The following TBC1D15 variants were observed in gnomAD, a reference collection of about 807,000 sequenced individuals.
The protein encoded by TBC1D15 is TBC1 domain family member 15.
A neutral mutation model predicts 95.4 loss-of-function variants in TBC1D15; 39 were observed. That is an observed-to-expected ratio of 0.41 (90% CI 0.32 to 0.53). The LOEUF is 0.53. Among genes scored for constraint, TBC1D15 ranks in the 20% least tolerant of loss-of-function variants. TBC1D15 has a pLI of 0.29. For missense variants in TBC1D15, 733 were observed against 794.3 expected (o/e 0.92, Z 0.93); for synonymous variants, 258 against 261.3 (o/e 0.99, Z 0.12).
chr12:71,872,308 G>T (rs1452889158), intron 2 of TBC1D15, 140 bp downstream of exon 2: 1 of 486,102 alleles, frequency 2.1e-6, no homozygotes, highest in Non-Finnish European at 3.7e-6. Context: ...ACACCGAAAT[G>T]ATGTAATAGT....
intron 4 of TBC1D15, among the ~76,000 whole-genome samples, chr12:71,881,192 G>A (rs1895056766): frequency 6.6e-6 from 1 of 152,112 alleles, no homozygotes; most frequent in Admixed American, 6.5e-5. Flanking sequence ...GTCTTTGTAC[G>A]GTCACAGTGC....
intron 5 of TBC1D15, among the ~76,000 whole-genome samples, chr12:71,889,873 A>G (rs984336100): frequency 2.0e-5 from 3 of 152,284 alleles, no homozygotes; most frequent in South Asian, 2.1e-4. Flanking sequence ...GCTCCCGCTT[A>G]TAAGTGAGAA....
intron 3 of TBC1D15, 36 bp downstream of exon 3, chr12:71,873,039 C>A (rs949032758): frequency 7.1e-7 from 1 of 1,406,178 alleles, no homozygotes; most frequent in Non-Finnish European, 9.9e-7. Flanking sequence ...AAGGGAATGC[C>A]ATTTAAAAAA....
intron 3 of TBC1D15, among the ~76,000 whole-genome samples, chr12:71,877,246 A>G (rs1446396355): frequency 7.1e-6 from 1 of 141,790 alleles, no homozygotes; most frequent in Non-Finnish European, 1.5e-5. Context: ...GAAGCTTTTA[A>G]TTATTGTCTT....
chr12:71,896,175 GTTT>G (rs202051621), intron 8 of TBC1D15, 100 bp downstream of exon 8: 568 of 809,806 alleles, frequency 7.0e-4, no homozygotes, highest in South Asian at 1.4e-3. Context: ...TTTGTTGTTG[GTTT>G]TTTTTTTTTT....
intron 3 of TBC1D15, among the ~76,000 whole-genome samples, chr12:71,875,368 G>A (rs1293598605): frequency 5.3e-5 from 8 of 151,984 alleles, no homozygotes; most frequent in South Asian, 2.1e-4. Flanking sequence ...AAGCACAAAC[G>A]GTTTTAATTT....
chr12:71,871,193 T>A (rs1892597125), intron 1 of TBC1D15, among the ~76,000 whole-genome samples: 1 of 152,230 alleles, frequency 6.6e-6, no homozygotes, highest in Admixed American at 6.5e-5. Flanking sequence ...AAGTCTCCCC[T>A]ATATTCCCAT....
Position 71,911,586 on chromosome 12 carries a change from A to T in TBC1D15, c.1301-2240A>T, listed in dbSNP as rs1284615951. ...GGAATTGAACAATGAGAACACATGG[A>T]CACAGGAAGGGGAACATCACACTCT... is the stretch of plus-strand genomic sequence containing the variant. On this transcript the variant is annotated intron_variant, in intron 11 of 16. Transcript: ENST00000485960. Among the ~76,000 whole-genome samples the T allele has an allele frequency of 8.8e-5, 12 of 136,130 alleles. No individual in the cohort carries two copies. In the South Asian group the frequency reaches 2.9e-3, roughly 33 times the overall value. 89.3% of individuals were successfully genotyped at this position (136,130 alleles called of 152,430 possible).
intron 8 of TBC1D15, 37 bp from the exon 9 acceptor site, chr12:71,896,640 T>G: frequency 1.3e-6 from 2 of 1,546,004 alleles, no homozygotes; most frequent in East Asian, 2.3e-5. Context: ...ATTACATTCT[T>G]TTTCATTCAT....
intron 12 of TBC1D15, among the ~76,000 whole-genome samples, chr12:71,915,709 GCTCT>G (rs1189893655): frequency 6.6e-6 from 1 of 151,952 alleles, no homozygotes; most frequent in East Asian, 1.9e-4. Context: ...CACAGTAAAT[GCTCT>G]CTGTGTTTGC....
At chr12:71,917,470 C>G (rs1385354347) in intron 12 of TBC1D15, among the ~76,000 whole-genome samples, 4 of 152,118 alleles carry the variant, frequency 2.6e-5, no homozygotes, top group Non-Finnish European at 5.9e-5. Context: ...TTATCTAAGT[C>G]AAATGAATAG....
chr12:71,901,334 T>G (rs1899348413), intron 10 of TBC1D15, among the ~76,000 whole-genome samples: 1 of 152,034 alleles, frequency 6.6e-6, no homozygotes, highest in Non-Finnish European at 1.5e-5. Context: ...TATTGCTGTT[T>G]TTTTTGTTTT....
chr12:71,890,267 ATC>A (rs1369601898), intron 5 of TBC1D15, among the ~76,000 whole-genome samples: 2 of 152,168 alleles, frequency 1.3e-5, no homozygotes, highest in African/African-American at 2.4e-5. Context: ...TGGAGCAGTT[ATC>A]CTAAGTAAAA....
chr12:71,899,614 A>G (rs1054870121), intron 10 of TBC1D15, among the ~76,000 whole-genome samples: 6 of 152,230 alleles, frequency 3.9e-5, no homozygotes, highest in East Asian at 1.9e-4. Flanking sequence ...ATACATGCCA[A>G]TAAGTTGGAT....
chr12:71,918,412 T>A (rs2139081159), intron 13 of TBC1D15, 39 bp from the exon 14 acceptor site: 1 of 1,289,694 alleles, frequency 7.8e-7, no homozygotes, highest in Middle Eastern at 1.9e-4. Flanking sequence ...ATAATTAGCA[T>A]AAGAGTAAGT....
At chr12:71,869,577 G>C (rs550828030) in intron 1 of TBC1D15, among the ~76,000 whole-genome samples, 39 of 152,056 alleles carry the variant, frequency 2.6e-4, no homozygotes, top group Non-Finnish European at 5.3e-4. Context: ...ATTAAACAGT[G>C]GTTACCACTA....
intron 10 of TBC1D15, among the ~76,000 whole-genome samples, chr12:71,903,183 G>C (rs1244828772): frequency 6.6e-6 from 1 of 152,134 alleles, no homozygotes; most frequent in Non-Finnish European, 1.5e-5. Context: ...CAAAGTGCTG[G>C]CATTACAGGT....
chr12:71,896,856 G>A, intron 9 of TBC1D15, 76 bp downstream of exon 9: 6 of 1,123,450 alleles, frequency 5.3e-6, no homozygotes, highest in Non-Finnish European at 7.6e-6. Flanking sequence ...AGGGTTTCTA[G>A]ATGAGGATTT....
At chr12:71,875,135 C>T (rs951227070) in intron 3 of TBC1D15, among the ~76,000 whole-genome samples, 1 of 152,060 alleles carries the variant, frequency 6.6e-6, no homozygotes, top group Non-Finnish European at 1.5e-5. Context: ...GACAGGGTTT[C>T]AGCATGTTGG....
Sources: allele counts gnomAD v4.1 joint callset (sites outside exome capture counted in the v4.1 genomes callset), GRCh38; gene constraint gnomAD v4.1.1; transcripts MANE v1.5; gene names NCBI Gene and HGNC (gene_info 2026-07-23, HGNC 2026-07-21).